The following DOP1A variants were observed in gnomAD, a reference collection of about 807,000 sequenced individuals.
The protein encoded by DOP1A is DOP1 leucine zipper like protein A, also known as protein DOP1A.
A neutral mutation model predicts 267.6 loss-of-function variants in DOP1A; 90 were observed. The ratio of observed to expected loss-of-function variants is 0.34; its 90% CI spans 0.28 to 0.40. The LOEUF is 0.40. Ranked by LOEUF, DOP1A falls within the 10% of genes least tolerant of loss-of-function variation. DOP1A has a pLI of 1.00. For synonymous variants in DOP1A, 932 were observed against 999.1 expected (o/e 0.93, Z 1.27); for missense variants, 2,437 against 2,900.4 (o/e 0.84, Z 3.67).
At position 83,100,815 on chromosome 6, in the gene DOP1A, G is replaced by C; in HGVS notation, c.249G>C (p.Ala83=). 1 of 1,591,498 alleles carries C rather than the reference G, an allele frequency of 6.3e-7. No individual in the cohort carries two copies. Among genetic ancestry groups the C allele is most frequent in the Non-Finnish European group, 8.6e-7 (1 of 1,167,256 alleles). ...TACCAGGTGGAGTTCATCGGAAGGC[G>C]CTTGAAACATATGAAATTATCTTCA... is the stretch of plus-strand genomic sequence containing the variant. ...PALPGGVHRK[A]LETYEIIFKI... is the part of the protein sequence containing the mutation. The change falls in exon 4 of 39, where the codon GCG becomes GCC. Residue 83 remains alanine (A), a synonymous_variant. Coordinates refer to ENST00000349129, the MANE Select transcript of DOP1A (RefSeq NM_015018.4).
At chr6:83,123,234 TC>T (rs1191713108) in intron 12 of DOP1A, among the ~76,000 whole-genome samples, 3 of 130,472 alleles carry the variant, frequency 2.3e-5, no homozygotes, top group Admixed American at 8.4e-5. Flanking sequence ...TTTTCCGTCT[TC>T]AGTCTATAGT....
At chr6:83,121,131 G>C in intron 10 of DOP1A, among the ~76,000 whole-genome samples, 1 of 151,680 alleles carries the variant, frequency 6.6e-6, no homozygotes, top group East Asian at 1.9e-4. Flanking sequence ...GAAAATATTT[G>C]AGTTATATCC....
chr6:83,125,280 G>A, intron 14 of DOP1A, 85 bp downstream of exon 14: 1 of 1,349,244 alleles, frequency 7.4e-7, no homozygotes, highest in South Asian at 1.4e-5. Context: ...AGATAAAACT[G>A]GGGTTATTTT....
Position 83,113,340 on chromosome 6 carries a change from T to C in DOP1A, c.699T>C (p.Thr233=). ...DIELMVEAVS[T]SVQDSSVLVQ... ...TATTTCAGGTAGAAGCAGTAAGTAC[T>C]TCAGTGCAGGACTCAAGTGTACTTG... The change falls in exon 7 of 39, where the codon ACT becomes ACC. Residue 233 remains threonine, a synonymous_variant. Coordinates refer to ENST00000349129, the MANE Select transcript of DOP1A (RefSeq NM_015018.4). The C allele has an allele frequency of 6.2e-7, 1 of 1,612,900 alleles. No individual in the cohort carries two copies. The highest frequency in any genetic ancestry group is 8.5e-7 in the Non-Finnish European group (1 of 1,179,300).
intron 10 of DOP1A, 22 bp downstream of exon 10, chr6:83,120,813 C>T: frequency 1.4e-6 from 2 of 1,444,018 alleles, no homozygotes; most frequent in Non-Finnish European, 1.9e-6. Context: ...TGTCCTAGGG[C>T]ATAAGGTCAT....
At chr6:83,082,260 C>T (rs56725731) in intron 1 of DOP1A, among the ~76,000 whole-genome samples, 1,838 of 152,190 alleles carry the variant, frequency 0.012, 25 homozygotes, top group African/African-American at 0.037. Flanking sequence ...TGGAATCAGC[C>T]TAGGGGTCTA....
downstream of DOP1A, chr6:83,169,585 G>GA (rs1333119858): frequency 4.2e-6 from 2 of 481,388 alleles, no homozygotes; most frequent in African/African-American, 3.9e-5. Flanking sequence ...TTCCACAACT[G>GA]AAAAAATTCA....
intron 7 of DOP1A, among the ~76,000 whole-genome samples, chr6:83,116,589 C>T (rs1468938468): frequency 6.6e-6 from 1 of 152,088 alleles, no homozygotes; most frequent in East Asian, 1.9e-4. Flanking sequence ...GCAAGCAGAT[C>T]ACTTGAGGTC....
intron 4 of DOP1A, among the ~76,000 whole-genome samples, chr6:83,107,095 TAG>T (rs1773745174): frequency 6.6e-6 from 1 of 151,918 alleles, no homozygotes; most frequent in South Asian, 2.1e-4. Context: ...TAACAGTTGA[TAG>T]AGTTTGGTAG....
At chr6:83,151,514 C>T in intron 27 of DOP1A, 79 bp from the exon 28 acceptor site, 1 of 1,131,996 alleles carries the variant, frequency 8.8e-7, no homozygotes, top group South Asian at 1.6e-5. Flanking sequence ...AGCCGCTTAA[C>T]TCATCGTGAG....
At position 83,167,874 on chromosome 6, in the gene DOP1A, G is replaced by A; in HGVS notation, c.7105G>A (p.Glu2369Lys). 1.2e-6 allele frequency: 2 copies of A among 1,607,292 alleles called. No individual in the cohort carries two copies. The highest frequency in any genetic ancestry group is 2.2e-5 in the South Asian group (2 of 90,340). The change falls in exon 39 of 39, where the codon GAA (glutamate) becomes AAA (lysine). Residue 2369 changes from glutamate (E) to lysine (K), a missense_variant. By Grantham distance (56) the Glu-to-Lys change is moderately conservative (BLOSUM62 1). This residue lies in a region of DOP1A where 197 missense variants were observed against 246.5 expected (regional missense o/e 0.80). Transcript: ENST00000349129. ...TTGTTTTCTGCAGAAAAATCCAGAG[G>A]AAGACAACTCAGGGAGAACATTGGG... ...LRKRAKKNPEEDNSGRTLGWE... is the reference protein window; with the variant it reads ...LRKRAKKNPEKDNSGRTLGWE...
intron 35 of DOP1A, among the ~76,000 whole-genome samples, chr6:83,158,029 C>T (rs11970642): frequency 0.22 from 33,050 of 151,532 alleles, 3,854 homozygotes; most frequent in Middle Eastern, 0.32. Context: ...GATGGAGTCT[C>T]GCTCTGTCAC....
In DOP1A at chr6:83,091,803, G is replaced by A. The variant is rs1338046724; in HGVS notation, c.-146-4928G>A. Among the ~76,000 whole-genome samples, 8 of 152,088 alleles carry A rather than the reference G, an allele frequency of 5.3e-5. No individual in the cohort carries two copies. The East Asian group carries it at 1.5e-3, about 29-fold the overall frequency. The stretch of plus-strand genomic sequence containing the variant: ...TTATTCTGGAAATCTTGCTAAGGAA[G>A]GAAAAAAAATGTTCCTGCTGATAAA... On this transcript the variant is annotated intron_variant, in intron 1 of 38. Coordinates refer to ENST00000349129, the MANE Select transcript of DOP1A (RefSeq NM_015018.4).
chr6:83,077,618 G>C (rs981867106), intron 1 of DOP1A, among the ~76,000 whole-genome samples: 28 of 152,172 alleles, frequency 1.8e-4, no homozygotes, highest in African/African-American at 6.8e-4. Flanking sequence ...AGAGACGTCA[G>C]TGAGCCATGA....
intron 24 of DOP1A, 99 bp downstream of exon 24, chr6:83,142,145 G>C: frequency 7.1e-7 from 1 of 1,399,686 alleles, no homozygotes. Context: ...GGGTAGATTC[G>C]AGTGTAAAGC....
chr6:83,147,317 C>G (rs995208097), intron 26 of DOP1A, 26 bp downstream of exon 26: 1 of 1,259,384 alleles, frequency 7.9e-7, no homozygotes, highest in Admixed American at 2.2e-5. Flanking sequence ...TTGATCTGTC[C>G]TTACTATGTT....
At position 83,128,969 on chromosome 6, in the gene DOP1A, G is replaced by A; in HGVS notation, c.1802G>A (p.Gly601Glu). The change falls in exon 16 of 39, where the codon GGA becomes GAA. Residue 601 changes from glycine to glutamate, a missense_variant. Physicochemically the swap from Gly to Glu is moderately conservative, Grantham distance 98 (BLOSUM62 -2). Transcript: ENST00000349129. Reference sequence around the variant, plus strand: ...CCAAGTAGTCGATCATCAGAGAGTGGATTCACTGAGTTTATACAATATCAA... The same window carrying A: ...CCAAGTAGTCGATCATCAGAGAGTGAATTCACTGAGTTTATACAATATCAA... ...NPPSSRSSES[G>E]FTEFIQYQAD... is the part of the protein sequence containing the mutation. The A allele has an allele frequency of 6.2e-7, 1 of 1,600,098 alleles. No individual in the cohort carries two copies.
Position 83,137,618 on chromosome 6 carries a change from G to A in DOP1A, c.3576G>A (p.Glu1192=). 1.2e-6 allele frequency: 2 copies of A among 1,613,816 alleles called. No homozygotes were observed. The highest frequency in any genetic ancestry group is 1.7e-6 in the Non-Finnish European group (2 of 1,179,840). ...PKCSDIDPDE[E]TIKIEDDSIQ... ...GCAGTGATATAGATCCAGATGAAGA[G>A]ACGATTAAAATTGAAGATGACTCCA... is the stretch of plus-strand genomic sequence containing the variant. Residue 1192 remains glutamate (E), a synonymous_variant, in exon 21 of 39, where the codon GAG becomes GAA. Transcript: ENST00000349129.
At chr6:83,147,040 T>C (rs1780747058) in intron 25 of DOP1A, among the ~76,000 whole-genome samples, 196 bp from the exon 26 acceptor site, 1 of 152,214 alleles carries the variant, frequency 6.6e-6, no homozygotes, top group South Asian at 2.1e-4. Context: ...TTTTCAACTT[T>C]TAAAATAGCT....
Sources: allele counts gnomAD v4.1 joint callset (sites outside exome capture counted in the v4.1 genomes callset), GRCh38; gene constraint gnomAD v4.1.1; regional missense constraint gnomAD v4.1.1; transcripts MANE v1.5; gene names NCBI Gene and HGNC (gene_info 2026-07-23, HGNC 2026-07-21).